B3GALT1: variants seen among roughly 807,000 people sequenced by gnomAD.
The protein encoded by B3GALT1 is UDP-Gal:betaGlcNAc beta 1,3-galactosyltransferase, polypeptide 1.
In B3GALT1, 10 loss-of-function variants were observed where a neutral mutation model predicts 23.2. The observed-to-expected ratio is 0.43, with a 90% CI of 0.27 to 0.73. The LOEUF (loss-of-function observed/expected upper bound fraction) is 0.73. B3GALT1 is among the 30% of genes least tolerant of loss of function. The pLI, the probability that B3GALT1 is intolerant of heterozygous loss-of-function variation, is 0.21. For synonymous variants in B3GALT1, 156 were observed against 141.5 expected (o/e 1.10, Z -0.73); for missense variants, 299 against 405.4 (o/e 0.74, Z 2.25).
rs144279423 is a variant in B3GALT1, at chr2:167,509,378, A to C, written c.-410+19101A>C. 2.9e-3 allele frequency among the ~76,000 whole-genome samples: 442 copies of C among 152,212 alleles called. 15 individuals carry two copies. In the East Asian group the frequency reaches 0.066, roughly 23 times the overall value. On this transcript the variant is annotated intron_variant, in intron 2 of 4. Transcript: ENST00000392690. ...AACAAATAATAATAAACAACAAATAAAAATTTTCTGGTTTCAGGAGCTTAA... is the reference window on the plus strand; with the variant it reads ...AACAAATAATAATAAACAACAAATACAAATTTTCTGGTTTCAGGAGCTTAA...
chr2:167,570,589 CATT>C (rs1161960486), intron 2 of B3GALT1, among the ~76,000 whole-genome samples: 1 of 151,900 alleles, frequency 6.6e-6, no homozygotes, highest in South Asian at 2.1e-4. Flanking sequence ...AGCTATTAAT[CATT>C]ATTTTGAATA....
Position 167,870,101 on chromosome 2 carries a change from G to A in B3GALT1, c.*81G>A. ...GTGTTGGTATTTTCCAGGTGTCGGG[G>A]GAAATGAACTGGTGAAGGGGTTTTG... On this transcript the variant is annotated 3_prime_UTR_variant, in exon 5 of 5. Coordinates refer to ENST00000392690, the MANE Select transcript of B3GALT1 (RefSeq NM_020981.4). The A allele has an allele frequency of 1.2e-5, 17 of 1,400,744 alleles. No homozygotes were observed. Among genetic ancestry groups the A allele is most frequent in the Non-Finnish European group, 1.5e-5 (16 of 1,046,378 alleles). The allele number at this position is 1,400,744 out of a possible 1,614,324, so 86.8% of individuals were successfully genotyped here.
intron 1 of B3GALT1, among the ~76,000 whole-genome samples, chr2:167,466,706 A>T (rs1302181891): frequency 1.3e-5 from 2 of 148,824 alleles, no homozygotes; most frequent in East Asian, 2.0e-4. Flanking sequence ...TATAATTTTT[A>T]ACTATTATCA....
chr2:167,799,950 G>A lies in B3GALT1; in HGVS notation c.-351-18722G>A, dbSNP rs199587965. 3.1e-3 allele frequency among the ~76,000 whole-genome samples: 467 copies of A among 152,092 alleles called. 1 individual carries two copies. Among genetic ancestry groups the A allele is most frequent in the Non-Finnish European group, 5.5e-3 (376 of 67,984 alleles). On this transcript the variant is annotated intron_variant, in intron 3 of 4. Transcript: ENST00000392690. Reference sequence around the variant, plus strand: ...AATAAAAGTTCTATTAATGCAATGTGTATGTATACACTTATGTATACACTT... The same window carrying A: ...AATAAAAGTTCTATTAATGCAATGTATATGTATACACTTATGTATACACTT...
intron 1 of B3GALT1, among the ~76,000 whole-genome samples, chr2:167,446,170 T>C (rs1236118754): frequency 2.0e-5 from 3 of 152,222 alleles, no homozygotes; most frequent in African/African-American, 7.2e-5. Context: ...ATTCTTTTCT[T>C]TAAGAATGTT....
At chr2:167,426,475 C>T (rs756994275) in intron 1 of B3GALT1, among the ~76,000 whole-genome samples, 17 of 151,840 alleles carry the variant, frequency 1.1e-4, no homozygotes, top group Non-Finnish European at 2.1e-4. Flanking sequence ...GGCTTTCATC[C>T]CGTTTTGAGG....
At chr2:167,479,993 T>G (rs570724835) in intron 1 of B3GALT1, among the ~76,000 whole-genome samples, 1 of 149,954 alleles carries the variant, frequency 6.7e-6, no homozygotes, top group East Asian at 1.9e-4. Context: ...CACAGGATGA[T>G]TGTGGATTGT....
At chr2:167,381,456 G>T (rs1373455865) in intron 1 of B3GALT1, among the ~76,000 whole-genome samples, 2 of 152,174 alleles carry the variant, frequency 1.3e-5, no homozygotes, top group East Asian at 1.9e-4. Flanking sequence ...TTGCATGTTA[G>T]AATCACTTGG....
chr2:167,781,596 A>G (rs569153457), intron 3 of B3GALT1, among the ~76,000 whole-genome samples: 17 of 152,116 alleles, frequency 1.1e-4, no homozygotes, highest in Non-Finnish European at 2.4e-4. Context: ...GTTTGGTGTT[A>G]TTTCCTCACA....
At chr2:167,582,812 T>C (rs1048360090) in intron 2 of B3GALT1, among the ~76,000 whole-genome samples, 45 of 152,162 alleles carry the variant, frequency 3.0e-4, no homozygotes, top group Admixed American at 1.0e-3. Context: ...TAATCCACGG[T>C]TTAACCTCTC....
intron 2 of B3GALT1, among the ~76,000 whole-genome samples, chr2:167,495,615 G>A (rs1699773382): frequency 6.6e-6 from 1 of 152,096 alleles, no homozygotes. Context: ...TTACAGGCGT[G>A]AGCCACCGTG....
intron 1 of B3GALT1, among the ~76,000 whole-genome samples, chr2:167,423,985 C>T (rs10198766): frequency 0.93 from 141,774 of 152,192 alleles, 66,526 homozygotes; most frequent in Non-Finnish European, 0.99. Context: ...CATGACAACA[C>T]GTTTTTTAAG....
chr2:167,314,280 G>C (rs1680403797), intron 1 of B3GALT1, among the ~76,000 whole-genome samples: 1 of 152,160 alleles, frequency 6.6e-6, no homozygotes, highest in Non-Finnish European at 1.5e-5. Context: ...ATTGCTCAAA[G>C]GATGTTTTGC....
rs548782082 is a variant in B3GALT1 at position 167,853,301 on chromosome 2, T to A, written c.-229-15510T>A. On this transcript the variant is annotated intron_variant, in intron 4 of 4. Transcript: ENST00000392690. Reference sequence around the variant, plus strand: ...ACCTTTGTGTCTCTGCAAATGTTCTTAACTTAGCATTGAATGTCTCTCCCC... The same window carrying A: ...ACCTTTGTGTCTCTGCAAATGTTCTAAACTTAGCATTGAATGTCTCTCCCC... Among the ~76,000 whole-genome samples the A allele has an allele frequency of 3.9e-5, 6 of 152,300 alleles. No homozygotes were observed. The South Asian group carries it at 8.3e-4, about 21-fold the overall frequency.
At chr2:167,487,107 G>A (rs1699639510) in intron 1 of B3GALT1, among the ~76,000 whole-genome samples, 3 of 152,164 alleles carry the variant, frequency 2.0e-5, no homozygotes, top group Admixed American at 2.0e-4. Context: ...AGAAAGTAAA[G>A]AAACTGTCCT....
intron 2 of B3GALT1, among the ~76,000 whole-genome samples, chr2:167,512,657 G>A (rs1227652105): frequency 7.4e-6 from 1 of 135,758 alleles, no homozygotes; most frequent in African/African-American, 2.8e-5. Context: ...TATATTTTGA[G>A]ATAGGGTCTC....
At chr2:167,412,292 A>G (rs1464391075) in intron 1 of B3GALT1, among the ~76,000 whole-genome samples, 1 of 152,200 alleles carries the variant, frequency 6.6e-6, no homozygotes, top group Non-Finnish European at 1.5e-5. Flanking sequence ...TATTCATCAC[A>G]TGACATCAAG....
At chr2:167,483,906 C>G (rs995012037) in intron 1 of B3GALT1, among the ~76,000 whole-genome samples, 2 of 152,036 alleles carry the variant, frequency 1.3e-5, no homozygotes, top group Admixed American at 1.3e-4. Flanking sequence ...TAGAACCTAT[C>G]CATGGATCGC....
At chr2:167,795,211 T>C (rs112275716) in intron 3 of B3GALT1, among the ~76,000 whole-genome samples, 8 of 152,194 alleles carry the variant, frequency 5.3e-5, no homozygotes, top group African/African-American at 1.4e-4. Flanking sequence ...CCCATGAACC[T>C]ATGTAGAAGA....
Sources: allele counts gnomAD v4.1 joint callset (sites outside exome capture counted in the v4.1 genomes callset), GRCh38; gene constraint gnomAD v4.1.1; transcripts MANE v1.5; gene names NCBI Gene and HGNC (gene_info 2026-07-23, HGNC 2026-07-21).